DYTN: variants seen among roughly 807,000 people sequenced by gnomAD.
DYTN encodes dystrotelin.
A neutral mutation model predicts 69.6 loss-of-function variants in DYTN; 75 were observed. The ratio of observed to expected loss-of-function variants is 1.08; its 90% CI spans 0.89 to 1.31. The LOEUF is 1.31. DYTN is among the 50% of genes most tolerant of loss of function. The pLI is 0.00. For synonymous variants in DYTN, 252 were observed against 249.1 expected (o/e 1.01, Z -0.11); for missense variants, 726 against 688.4 (o/e 1.05, Z -0.61).
At position 206,693,113 on chromosome 2, in the gene DYTN, C is replaced by A. The variant is rs1049802402; in HGVS notation, c.980+62G>T. 40 of 1,526,432 alleles carry A rather than the reference C, an allele frequency of 2.6e-5. No homozygotes were observed. The Middle Eastern group carries it at 8.4e-4, about 32-fold the overall frequency. 94.6% of individuals were successfully genotyped at this position (1,526,432 alleles called of 1,614,324 possible). A position where few individuals can be genotyped will look rare whatever the true frequency, so the allele number is the denominator to read the frequency against. On this transcript the variant is annotated intron_variant, in intron 9 of 11. Coordinates refer to ENST00000452335, the MANE Select transcript of DYTN (RefSeq NM_001093730.1). ...ATTAGAAAGATTGCTGGCCGGTTAC[C>A]ATAACACCCAGGGCCCTTGGTGGCT...
At chr2:206,695,578 G>A (rs1174991892) in intron 7 of DYTN, among the ~76,000 whole-genome samples, 1 of 152,180 alleles carries the variant, frequency 6.6e-6, no homozygotes, top group Admixed American at 6.5e-5. Context: ...AGACACTCTG[G>A]TTAGGAGGGG....
intron 2 of DYTN, 79 bp from the exon 3 acceptor site, chr2:206,707,582 T>A (rs760958088): frequency 9.9e-5 from 139 of 1,407,728 alleles, no homozygotes; most frequent in Non-Finnish European, 1.3e-4. Context: ...TGTCATTTGG[T>A]GTTTTATAAT....
At chr2:206,712,741 A>G (rs749112440) in intron 1 of DYTN, among the ~76,000 whole-genome samples, 6 of 152,326 alleles carry the variant, frequency 3.9e-5, no homozygotes, top group Non-Finnish European at 8.8e-5. Flanking sequence ...ATGAAATTCC[A>G]ATAGTGTCAA....
chr2:206,704,242 T>C (rs1219118495), intron 5 of DYTN, among the ~76,000 whole-genome samples: 2 of 152,198 alleles, frequency 1.3e-5, no homozygotes, highest in South Asian at 2.1e-4. Context: ...AAGTTATGCA[T>C]AGGAAGTCAA....
Position 206,687,539 on chromosome 2 carries a change from A to G in DYTN, c.980+5636T>C, listed in dbSNP as rs570425436. On this transcript the variant is annotated intron_variant, in intron 9 of 11. Coordinates refer to ENST00000452335, the MANE Select transcript of DYTN (RefSeq NM_001093730.1). ...ATCATTTACCATAACAAAATGTTTA[A>G]AATTACATGCTATCATATATATCTG... is the stretch of plus-strand genomic sequence containing the variant. Among the ~76,000 whole-genome samples the G allele has an allele frequency of 2.0e-5, 3 of 152,272 alleles. No homozygotes were observed. The South Asian group carries it at 6.2e-4, about 32-fold the overall frequency.
chr2:206,653,562 A>G (rs1367781819), intron 11 of DYTN, among the ~76,000 whole-genome samples: 1 of 152,214 alleles, frequency 6.6e-6, no homozygotes, highest in Admixed American at 6.5e-5. Context: ...GTAGACTACA[A>G]GAATGATAGA....
intron 9 of DYTN, chr2:206,679,285 C>T (rs1414114226): frequency 1.3e-5 from 2 of 152,172 alleles, no homozygotes; most frequent in African/African-American, 4.8e-5. Context: ...CACCCACCCC[C>T]ACAATAGCAA....
At chr2:206,711,948 A>G (rs139314791) in intron 1 of DYTN, among the ~76,000 whole-genome samples, 236 of 152,298 alleles carry the variant, frequency 1.5e-3, no homozygotes, top group Non-Finnish European at 2.7e-3. Flanking sequence ...CAGTCTTCAT[A>G]TCTAGAAAAA....
intron 5 of DYTN, among the ~76,000 whole-genome samples, chr2:206,702,280 C>T (rs1559316400): frequency 6.6e-6 from 1 of 152,252 alleles, no homozygotes; most frequent in Non-Finnish European, 1.5e-5. Flanking sequence ...GTCACGGGTC[C>T]TAATTTCACA....
At chr2:206,673,668 A>T (rs1388677518) in intron 9 of DYTN, among the ~76,000 whole-genome samples, 3 of 152,262 alleles carry the variant, frequency 2.0e-5, no homozygotes, top group African/African-American at 7.2e-5. Flanking sequence ...AGTCTTGGGC[A>T]GAGACTTCAT....
rs757203106 is a variant in DYTN at position 206,693,176 on chromosome 2, T to C, written c.979A>G (p.Arg327Gly). The C allele has an allele frequency of 1.2e-6, 2 of 1,608,444 alleles. No individual in the cohort carries two copies. Among genetic ancestry groups the C allele is most frequent in the Admixed American group, 1.7e-5 (1 of 59,498 alleles). ...PKGVPHHAQA[R>G]LLKKQLNQYK... ...CAGCCAATCCTCGCAGCCACTCACC[T>C]GGCCTGCGCATGGTGAGGCACACCC... Residue 327 changes from arginine (R) to glycine (G), a missense_variant and splice_region_variant, in exon 9 of 12, where the codon AGG (arginine) becomes GGG (glycine). By Grantham distance (125) the Arg-to-Gly change is moderately radical. Transcript: ENST00000452335.
chr2:206,700,679 T>C (rs1699968024), intron 5 of DYTN, among the ~76,000 whole-genome samples: 1 of 151,986 alleles, frequency 6.6e-6, no homozygotes, highest in African/African-American at 2.4e-5. Context: ...TGTGCCATGG[T>C]GGTTTGCTGC....
chr2:206,702,201 G>T (rs886419170), intron 5 of DYTN, among the ~76,000 whole-genome samples: 1 of 152,194 alleles, frequency 6.6e-6, no homozygotes, highest in African/African-American at 2.4e-5. Context: ...AAGATGGCCA[G>T]GGACTTGGCT....
chr2:206,652,013 G>A, intron 11 of DYTN, 92 bp from the exon 12 acceptor site: 1 of 1,206,524 alleles, frequency 8.3e-7, no homozygotes, highest in Non-Finnish European at 1.2e-6. Context: ...AGAAGAAACA[G>A]AATCCATTTT....
At chr2:206,654,640 T>C (rs1699426503) in intron 11 of DYTN, among the ~76,000 whole-genome samples, 1 of 152,214 alleles carries the variant, frequency 6.6e-6, no homozygotes, top group Non-Finnish European at 1.5e-5. Context: ...AACTTTTACA[T>C]TGCTCAAGGG....
intron 7 of DYTN, among the ~76,000 whole-genome samples, chr2:206,697,438 C>T (rs926751260): frequency 6.6e-6 from 1 of 152,192 alleles, no homozygotes; most frequent in Non-Finnish European, 1.5e-5. Flanking sequence ...CCTCTTCCTG[C>T]TACCTGCAGA....
chr2:206,652,960 G>A (rs946271906), intron 11 of DYTN, among the ~76,000 whole-genome samples: 2 of 152,138 alleles, frequency 1.3e-5, no homozygotes, highest in Non-Finnish European at 2.9e-5. Flanking sequence ...TAAGATCACA[G>A]GAAATGAAAA....
chr2:206,715,645 T>A (rs1700121357), intron 1 of DYTN, among the ~76,000 whole-genome samples: 1 of 152,176 alleles, frequency 6.6e-6, no homozygotes. Context: ...TCCCAAAGGT[T>A]AATAATGCAT....
intron 9 of DYTN, among the ~76,000 whole-genome samples, chr2:206,674,874 G>A (rs925714127): frequency 4.0e-5 from 6 of 151,846 alleles, no homozygotes; most frequent in Non-Finnish European, 8.8e-5. Context: ...TTAAAAACAA[G>A]GACCAGAAAA....
Sources: allele counts gnomAD v4.1 joint callset (sites outside exome capture counted in the v4.1 genomes callset), GRCh38; gene constraint gnomAD v4.1.1; transcripts MANE v1.5; gene names NCBI Gene and HGNC (gene_info 2026-07-23, HGNC 2026-07-21).